The following DPH6 variants were observed in gnomAD, a reference collection of about 807,000 sequenced individuals.
DPH6 encodes the protein diphthine--ammonia ligase.
DPH6 carries 33 observed loss-of-function variants against 38.2 expected under a neutral mutation model. That is an observed-to-expected ratio of 0.86 (90% confidence interval 0.65 to 1.15). The LOEUF (loss-of-function observed/expected upper bound fraction) is 1.15, where lower values mean the gene tolerates loss of function less well. Among genes scored for constraint, DPH6 ranks in the 50% most tolerant of loss-of-function variants. The pLI is 0.00. For missense variants in DPH6, 325 were observed against 320.0 expected, an observed-to-expected ratio of 1.02 and a Z score of -0.12; for synonymous variants, 108 against 103.0, an observed-to-expected ratio of 1.05 and a Z score of -0.30.
intron 3 of DPH6, among the ~76,000 whole-genome samples, chr15:35,226,188 C>T (rs1357375453): frequency 6.6e-6 from 1 of 152,010 alleles, no homozygotes; most frequent in African/African-American, 2.4e-5. Context: ...TCAGGAATAG[C>T]TGTAAATGTT....
chr15:35,491,548 T>TACACACACACACACACACACACAC (rs71309445), intron 3 of DPH6, among the ~76,000 whole-genome samples: 2 of 137,696 alleles, frequency 1.5e-5, no homozygotes, highest in African/African-American at 5.4e-5. Context: ...CCAATAGGTG[T>TACACACACACACACACACACACAC]ACACACACAC....
chr15:35,505,622 A>G (rs142486943), intron 3 of DPH6, among the ~76,000 whole-genome samples: 256 of 152,158 alleles, frequency 1.7e-3, no homozygotes, highest in African/African-American at 5.9e-3. Context: ...CTTATACTCT[A>G]AGTTCACACA....
chr15:35,199,841 GA>G, the DPH6 span, among the ~76,000 whole-genome samples: 799 of 143,460 alleles, frequency 5.6e-3, 5 homozygotes, highest in African/African-American at 0.017. Flanking sequence ...ATGGAAGAAA[GA>G]AAAAAAAAAA....
intron 3 of DPH6, among the ~76,000 whole-genome samples, chr15:35,283,220 T>C (rs2051914190): frequency 6.7e-6 from 1 of 149,850 alleles, no homozygotes; most frequent in Non-Finnish European, 1.5e-5. Context: ...CTCTTCCTCT[T>C]CTTTCTTCTT....
chr15:35,470,297 C>T (rs940950109), intron 3 of DPH6, among the ~76,000 whole-genome samples: 3 of 151,722 alleles, frequency 2.0e-5, no homozygotes, highest in South Asian at 2.1e-4. Flanking sequence ...ATCACAGACG[C>T]CAAGGTCAAA....
intron 5 of DPH6, among the ~76,000 whole-genome samples, chr15:35,414,016 T>A (rs75700487): frequency 6.6e-6 from 1 of 151,638 alleles, no homozygotes; most frequent in Non-Finnish European, 1.5e-5. Flanking sequence ...CAGAACTTAG[T>A]ATGTTTTAAC....
intron 4 of DPH6, among the ~76,000 whole-genome samples, chr15:35,453,046 C>T (rs2053955928): frequency 1.3e-5 from 2 of 152,136 alleles, no homozygotes; most frequent in Non-Finnish European, 2.9e-5. Flanking sequence ...GGTGAGAGGA[C>T]AGCAAGAACT....
In DPH6 at chr15:35,528,451, C is replaced by T. The variant is rs897902817; in HGVS notation, c.312+9823G>A. On this transcript the variant is annotated intron_variant, in intron 3 of 8. Transcript: ENST00000256538. ...TGTGGAATTGTCAGTTTACAAGGTACCTTATATAGACTTTTTGTCACTATT... is the reference window on the plus strand; with the variant it reads ...TGTGGAATTGTCAGTTTACAAGGTATCTTATATAGACTTTTTGTCACTATT... 6.6e-5 allele frequency among the ~76,000 whole-genome samples: 10 copies of T among 152,192 alleles called. No individual in the cohort carries two copies. The South Asian group carries it at 1.2e-3, about 19-fold the overall frequency.
intron 3 of DPH6, among the ~76,000 whole-genome samples, chr15:35,227,546 T>C (rs2051490887): frequency 6.6e-6 from 1 of 152,108 alleles, no homozygotes; most frequent in Non-Finnish European, 1.5e-5. Flanking sequence ...TTAGTCTGGC[T>C]AAAGGTTTGT....
intron 3 of DPH6, among the ~76,000 whole-genome samples, chr15:35,466,232 A>C (rs1454792377): frequency 6.6e-6 from 1 of 152,182 alleles, no homozygotes; most frequent in African/African-American, 2.4e-5. Context: ...AATTAAATAC[A>C]TAAAAGATAA....
chr15:35,353,918 A>G (rs969354330), intron 3 of DPH6, among the ~76,000 whole-genome samples: 1 of 152,148 alleles, frequency 6.6e-6, no homozygotes, highest in Admixed American at 6.5e-5. Flanking sequence ...ATAAGCATGG[A>G]ATGTTCTTCC....
At chr15:35,304,605 G>A (rs1317122750) in intron 3 of DPH6, among the ~76,000 whole-genome samples, 2 of 152,014 alleles carry the variant, frequency 1.3e-5, no homozygotes, top group African/African-American at 4.8e-5. Flanking sequence ...ATCTCTATGT[G>A]TGTCGGGAAG....
At chr15:35,454,682 T>C in intron 4 of DPH6, 65 bp downstream of exon 4, 1 of 1,334,340 alleles carries the variant, frequency 7.5e-7, no homozygotes. Context: ...TGATTATTAT[T>C]TTTCACTTAT....
rs2053715483 is a variant in DPH6 at position 35,436,514 on chromosome 15, C to CAACAACA, written c.505+14170_505+14171insTGTTGTT. Among the ~76,000 whole-genome samples, 400 of 123,214 alleles carry CAACAACA rather than the reference C, an allele frequency of 3.2e-3. 44 individuals are homozygous for CAACAACA. The highest frequency in any genetic ancestry group is 0.013 in the African/African-American group (381 of 30,072). 80.8% of individuals were successfully genotyped at this position (123,214 alleles called of 152,430 possible). A position where few individuals can be genotyped will look rare whatever the true frequency, so the allele number is the denominator to read the frequency against. On this transcript the variant is annotated intron_variant, in intron 5 of 8. Transcript: ENST00000256538. ...CAAAACAAAACAAAACAAAACAAAACAAAAAAGGTTCTCTCCCTGTTCGTC... is the reference window on the plus strand; with the variant it reads ...CAAAACAAAACAAAACAAAACAAAACAACAACAAAAAAAGGTTCTCTCCCTGTTCGTC...
chr15:35,330,897 G>A (rs2052322438), exon 4 of DPH6: 1 of 152,078 alleles, frequency 6.6e-6, no homozygotes, highest in Non-Finnish European at 1.5e-5. Flanking sequence ...TTTATTTTCT[G>A]TTTTAAAAAG....
At chr15:35,167,109 A>G in the DPH6 span, among the ~76,000 whole-genome samples, 79 of 152,038 alleles carry the variant, frequency 5.2e-4, no homozygotes, top group Non-Finnish European at 8.5e-4. Flanking sequence ...AAAACTAGAC[A>G]TGGCTTTAAA....
At chr15:35,542,149 G>A (rs2055261856) in intron 2 of DPH6, among the ~76,000 whole-genome samples, 1 of 151,990 alleles carries the variant, frequency 6.6e-6, no homozygotes, top group South Asian at 2.1e-4. Context: ...ACAAGTTTGT[G>A]CTAGTTTACT....
chr15:35,238,682 A>T (rs991330125), intron 3 of DPH6, among the ~76,000 whole-genome samples: 2 of 152,310 alleles, frequency 1.3e-5, no homozygotes, highest in Admixed American at 6.5e-5. Flanking sequence ...ATTTGCACAT[A>T]CACACCCAGA....
chr15:35,336,654 A>C (rs2052375327), intron 3 of DPH6, among the ~76,000 whole-genome samples: 1 of 152,174 alleles, frequency 6.6e-6, no homozygotes, highest in South Asian at 2.1e-4. Flanking sequence ...TTTTAGCATG[A>C]AGAGTTGTTG....
Sources: gnomAD v4.1 joint callset for allele counts (sites outside exome capture counted in the v4.1 genomes callset) on GRCh38, gnomAD v4.1.1 for gene constraint, MANE v1.5 for transcripts, NCBI Gene and HGNC (gene_info 2026-07-23, HGNC 2026-07-21) for gene names.